TPST2: variants seen among roughly 807,000 people sequenced by gnomAD.
TPST2 encodes the protein tyrosylprotein sulfotransferase 2, also known as protein-tyrosine sulfotransferase 2.
TPST2 carries 16 observed loss-of-function variants against 27.8 expected under a neutral mutation model. That is an observed-to-expected ratio of 0.58 (90% CI 0.39 to 0.88). TPST2 has a LOEUF of 0.88. Among genes scored for constraint, TPST2 ranks in the 40% least tolerant of loss-of-function variants. The pLI is 0.00. For missense variants in TPST2, 464 were observed against 543.1 expected (o/e 0.85, Z 1.45); for synonymous variants, 229 against 231.7 (o/e 0.99, Z 0.10).
intron 1 of TPST2, among the ~76,000 whole-genome samples, chr22:26,547,231 C>T (rs900477856): frequency 3.9e-5 from 6 of 152,012 alleles, no homozygotes; most frequent in Admixed American, 2.6e-4. Context: ...CCCAGGTATC[C>T]AGGACTACAG....
chr22:26,586,294 T>A (rs1478543564), intron 1 of TPST2, among the ~76,000 whole-genome samples: 1 of 152,192 alleles, frequency 6.6e-6, no homozygotes, highest in Non-Finnish European at 1.5e-5. Context: ...AATCTCGCCC[T>A]GTTGCCCAGG....
At chr22:26,580,257 A>G (rs1013863912) in intron 1 of TPST2, among the ~76,000 whole-genome samples, 19 of 152,154 alleles carry the variant, frequency 1.2e-4, no homozygotes, top group African/African-American at 3.9e-4. Flanking sequence ...GAAAAGAAGA[A>G]TAAGAAAATC....
At chr22:26,555,882 C>T (rs1016578318) in intron 1 of TPST2, among the ~76,000 whole-genome samples, 1 of 152,178 alleles carries the variant, frequency 6.6e-6, no homozygotes, top group African/African-American at 2.4e-5. Flanking sequence ...AATCCAGAGG[C>T]GGAATGGGCT....
intron 1 of TPST2, among the ~76,000 whole-genome samples, chr22:26,564,383 GCTATGCCC>G (rs1927281840): frequency 6.6e-6 from 1 of 152,116 alleles, no homozygotes; most frequent in Admixed American, 6.5e-5. Flanking sequence ...CAAGGCTGCT[GCTATGCCC>G]CTTCATGTCC....
chr22:26,534,509 T>C (rs1018587515), intron 4 of TPST2, among the ~76,000 whole-genome samples: 2 of 152,212 alleles, frequency 1.3e-5, no homozygotes, highest in Admixed American at 6.5e-5. Context: ...TTATTTGTGT[T>C]TTATAAAATA....
chr22:26,541,758 T>G lies in TPST2; in HGVS notation c.-88-40A>C. Reference sequence around the variant, plus strand: ...GGACATGCATAGTCAGGGAGGTCTGTGAGCTGTGAGCTCTCCAATAACTGC... The same window carrying G: ...GGACATGCATAGTCAGGGAGGTCTGGGAGCTGTGAGCTCTCCAATAACTGC... On this transcript the variant is annotated intron_variant, in intron 2 of 6. Coordinates refer to ENST00000338754, the MANE Select transcript of TPST2 (RefSeq NM_003595.5). This position sits in a 1 kb window ranked among gnomAD's most constrained non-coding sequence, Gnocchi z 5.9. The G allele has an allele frequency of 7.0e-7, 1 of 1,427,910 alleles. No homozygotes were observed. The highest frequency in any genetic ancestry group is 2.5e-5 in the East Asian group (1 of 39,396). 88.5% of individuals were successfully genotyped at this position (1,427,910 alleles called of 1,614,324 possible).
chr22:26,567,833 G>A (rs777210064), intron 1 of TPST2, among the ~76,000 whole-genome samples: 8 of 152,124 alleles, frequency 5.3e-5, no homozygotes, highest in African/African-American at 9.7e-5. Flanking sequence ...CATATCCATC[G>A]GGGAAACAAA....
intron 1 of TPST2, among the ~76,000 whole-genome samples, chr22:26,555,766 C>T (rs559109087): frequency 1.3e-5 from 2 of 152,320 alleles, no homozygotes; most frequent in South Asian, 4.1e-4. Flanking sequence ...CCTAATAACA[C>T]CCAACAGACA....
intron 1 of TPST2, among the ~76,000 whole-genome samples, chr22:26,559,902 C>G (rs1926997134): frequency 6.6e-6 from 1 of 152,122 alleles, no homozygotes; most frequent in South Asian, 2.1e-4. Flanking sequence ...ACAGCAGGGC[C>G]TTCTAGGAGC....
rs1268520019 is a variant in TPST2 at position 26,522,473 on chromosome 22, A to G, written c.*3802T>C. 1 of 152,226 alleles carries G rather than the reference A, an allele frequency of 6.6e-6. No homozygotes were observed. The highest frequency in any genetic ancestry group is 1.5e-5 in the Non-Finnish European group (1 of 68,054). The allele number at this position is 152,226 out of a possible 1,614,324, so 9.4% of individuals were successfully genotyped here. A position where few individuals can be genotyped will look rare whatever the true frequency, so the allele number is the denominator to read the frequency against. On this transcript the variant is annotated 3_prime_UTR_variant, in exon 7 of 7. Transcript: ENST00000338754. ...TGGAACCCCCAAGAAAGGCTCTAGA[A>G]CAAAGCTCTGATTTCACAGTGAGAT...
At chr22:26,526,600 T>G (rs895468756) in intron 6 of TPST2, among the ~76,000 whole-genome samples, 3 of 152,212 alleles carry the variant, frequency 2.0e-5, no homozygotes, top group Non-Finnish European at 4.4e-5. Flanking sequence ...GTACCCAGGA[T>G]TCAGCTAAAG....
At chr22:26,570,993 C>T (rs967352606) in intron 1 of TPST2, among the ~76,000 whole-genome samples, 5 of 152,198 alleles carry the variant, frequency 3.3e-5, no homozygotes, top group Non-Finnish European at 1.5e-5. Context: ...CCTGATTCTG[C>T]CCTTGTCTCA....
At position 26,525,846 on chromosome 22, in the gene TPST2, A is replaced by G. The variant is rs1368078289; in HGVS notation, c.*429T>C. 3 of 152,538 alleles carry G rather than the reference A, an allele frequency of 2.0e-5. No homozygotes were observed. The highest frequency in any genetic ancestry group is 7.2e-5 in the African/African-American group (3 of 41,460). The allele number at this position is 152,538 out of a possible 1,614,324, so 9.4% of individuals were successfully genotyped here. The stretch of plus-strand genomic sequence containing the variant: ...CTAGGTAGAACTGAGGAGGAATCAA[A>G]GAAAGCCTCATATATTAAACTCTTA... On this transcript the variant is annotated 3_prime_UTR_variant, in exon 7 of 7. Coordinates refer to ENST00000338754, the MANE Select transcript of TPST2 (RefSeq NM_003595.5).
chr22:26,540,834 T>C lies in TPST2; in HGVS notation c.797A>G (p.His266Arg), dbSNP rs781674333. The change falls in exon 3 of 7, where the codon CAC (histidine) becomes CGC (arginine). Residue 266 changes from histidine (H) to arginine (R), a missense_variant. Coordinates refer to ENST00000338754, the MANE Select transcript of TPST2 (RefSeq NM_003595.5). ...GGGCTTGCCAATGAGGTCTTCATGG[T>C]GGAGGACAGCGTCGCTCCAGGCGAT... ...LGIAWSDAVL[H>R]HEDLIGKPGG... 1.1e-5 allele frequency: 18 copies of C among 1,612,494 alleles called. No individual in the cohort carries two copies. Among genetic ancestry groups the C allele is most frequent in the Non-Finnish European group, 1.5e-5 (18 of 1,179,198 alleles).
chr22:26,541,030 C>T lies in TPST2; in HGVS notation c.601G>A (p.Gly201Ser). The T allele has an allele frequency of 6.2e-7, 1 of 1,614,098 alleles. No homozygotes were observed. Among genetic ancestry groups the T allele is most frequent in the Non-Finnish European group, 8.5e-7 (1 of 1,180,040 alleles). ...TCACGGTAGCTGCTGAGGTCAAAGC[C>T]CGCAATGGTGACTTTGCGCGTGATC... is the stretch of plus-strand genomic sequence containing the variant. ...SMITRKVTIA[G>S]FDLSSYRDCL... Residue 201 changes from glycine to serine, a missense_variant, in exon 3 of 7, where the codon GGC becomes AGC. Gly to Ser is a moderately conservative substitution (Grantham distance 56, BLOSUM62 0). Transcript: ENST00000338754. This position sits in a 1 kb window ranked among gnomAD's most constrained non-coding sequence, Gnocchi z 5.9.
At chr22:26,532,671 G>A (rs1925235367) in intron 5 of TPST2, 24 bp downstream of exon 5, 3 of 1,612,758 alleles carry the variant, frequency 1.9e-6, no homozygotes, top group Non-Finnish European at 2.5e-6. Flanking sequence ...GACAGAATTC[G>A]GAATTCCCCT....
chr22:26,569,095 CT>C (rs1431808636), intron 1 of TPST2, among the ~76,000 whole-genome samples: 1 of 152,062 alleles, frequency 6.6e-6, no homozygotes, highest in African/African-American at 2.4e-5. Flanking sequence ...GATCTCCTGA[CT>C]TCGTGATCCG....
intron 1 of TPST2, among the ~76,000 whole-genome samples, chr22:26,586,959 GAT>G (rs1928370134): frequency 6.6e-6 from 1 of 152,232 alleles, no homozygotes; most frequent in South Asian, 2.1e-4. Flanking sequence ...AATGTTCACA[GAT>G]GAAGCGTCTG....
intron 4 of TPST2, among the ~76,000 whole-genome samples, chr22:26,535,296 G>C (rs770570471): frequency 2.6e-5 from 4 of 152,204 alleles, no homozygotes; most frequent in Non-Finnish European, 5.9e-5. Context: ...AAGACTCTGG[G>C]TCTTAATGAA....
Sources: allele counts gnomAD v4.1 joint callset (sites outside exome capture counted in the v4.1 genomes callset), GRCh38; gene constraint gnomAD v4.1.1; non-coding constraint Gnocchi (gnomAD v3.1); transcripts MANE v1.5; gene names NCBI Gene and HGNC (gene_info 2026-07-23, HGNC 2026-07-21).